WIPF1: variants seen among roughly 807,000 people sequenced by gnomAD.
WIPF1 encodes WAS/WASL-interacting protein family member 1.
A neutral mutation model predicts 35.4 loss-of-function variants in WIPF1; 13 were observed. The observed-to-expected ratio is 0.37, with a 90% CI of 0.24 to 0.58. The LOEUF (loss-of-function observed/expected upper bound fraction) is 0.58, where lower values mean the gene tolerates loss of function less well. Ranked by LOEUF, WIPF1 falls within the 20% of genes least tolerant of loss-of-function variation. WIPF1 has a pLI of 0.74. For synonymous variants in WIPF1, 267 were observed against 266.3 expected, an observed-to-expected ratio of 1.00 and a Z score of -0.02; for missense variants, 591 against 667.0, an observed-to-expected ratio of 0.89 and a Z score of 1.25.
At chr2:174,663,103 G>T (rs1316818354) in intron 1 of WIPF1, among the ~76,000 whole-genome samples, 2 of 152,206 alleles carry the variant, frequency 1.3e-5, no homozygotes, top group Non-Finnish European at 2.9e-5. Context: ...ACGGTCAGGA[G>T]TGAAGAGAGG....
chr2:174,598,178 T>G (rs920699901), upstream of WIPF1: 2 of 152,240 alleles, frequency 1.3e-5, no homozygotes, highest in African/African-American at 4.8e-5. Context: ...TACCTTACCT[T>G]ATCGCTTCAT....
At chr2:174,635,525 GTTTGTTTTTT>G (rs1687159069) in intron 1 of WIPF1, among the ~76,000 whole-genome samples, 1 of 126,180 alleles carries the variant, frequency 7.9e-6, no homozygotes, top group Admixed American at 8.8e-5. Context: ...GGTGCCTTCT[GTTTGTTTTTT>G]TTTTTTTTTT....
At chr2:174,594,784 G>C (rs1458803148) in intron 1 of WIPF1, among the ~76,000 whole-genome samples, 1 of 73,812 alleles carries the variant, frequency 1.4e-5, no homozygotes, top group East Asian at 2.4e-4. Flanking sequence ...TGAAAGTACA[G>C]CTTTATGATA....
chr2:174,611,842 A>G (rs1686356721), intron 1 of WIPF1, among the ~76,000 whole-genome samples: 1 of 152,204 alleles, frequency 6.6e-6, no homozygotes, highest in South Asian at 2.1e-4. Context: ...CACACTGTCT[A>G]GGGTTAACTT....
chr2:174,593,161 C>G (rs1218160014), intron 1 of WIPF1, among the ~76,000 whole-genome samples: 2 of 151,592 alleles, frequency 1.3e-5, no homozygotes, highest in Non-Finnish European at 2.9e-5. Flanking sequence ...GGGTAATAAC[C>G]AGAGGTAACT....
At chr2:174,566,772 G>C in intron 7 of WIPF1, 1 of 298,600 alleles carries the variant, frequency 3.3e-6, no homozygotes. Flanking sequence ...TACTTGTGCT[G>C]TCTCAGGAAG....
chr2:174,627,729 A>G (rs1686892712), intron 1 of WIPF1, among the ~76,000 whole-genome samples: 1 of 151,758 alleles, frequency 6.6e-6, no homozygotes, highest in African/African-American at 2.4e-5. Flanking sequence ...AATTTTTTGT[A>G]GAGATGGGGT....
chr2:174,670,299 C>T (rs934158532), intron 1 of WIPF1, among the ~76,000 whole-genome samples: 1 of 152,208 alleles, frequency 6.6e-6, no homozygotes, highest in African/African-American at 2.4e-5. Context: ...AACCTCCTCC[C>T]TTTTCCTCTC....
intron 7 of WIPF1, among the ~76,000 whole-genome samples, chr2:174,564,337 T>C (rs1326545049): frequency 6.6e-6 from 1 of 152,216 alleles, no homozygotes; most frequent in Non-Finnish European, 1.5e-5. Flanking sequence ...AAACTACTTT[T>C]AGGCGAGGCA....
intron 1 of WIPF1, among the ~76,000 whole-genome samples, chr2:174,588,524 T>C (rs1385272398): frequency 6.6e-6 from 1 of 152,198 alleles, no homozygotes; most frequent in Non-Finnish European, 1.5e-5. Flanking sequence ...AAGGCCTCCT[T>C]AATTATTTTA....
At chr2:174,635,628 G>T (rs1687167460) in intron 1 of WIPF1, among the ~76,000 whole-genome samples, 1 of 150,966 alleles carries the variant, frequency 6.6e-6, no homozygotes, top group South Asian at 2.1e-4. Context: ...GTGTGTGGGA[G>T]TCAAATGATC....
chr2:174,649,130 C>T (rs954274185), intron 1 of WIPF1, among the ~76,000 whole-genome samples: 1 of 152,172 alleles, frequency 6.6e-6, no homozygotes, highest in Non-Finnish European at 1.5e-5. Context: ...GCAGGTTCTT[C>T]TTCAAGACTC....
At chr2:174,599,757 T>G (rs1423140253), upstream of WIPF1, among the ~76,000 whole-genome samples, 1 of 151,926 alleles carries the variant, frequency 6.6e-6, no homozygotes. Flanking sequence ...ATTTTGAAGT[T>G]CTCTAAGTAA....
At chr2:174,614,825 T>C (rs1003085654) in intron 1 of WIPF1, among the ~76,000 whole-genome samples, 1 of 152,258 alleles carries the variant, frequency 6.6e-6, no homozygotes, top group Non-Finnish European at 1.5e-5. Context: ...ACTAGCATTG[T>C]TCACTGCAAT....
intron 1 of WIPF1, among the ~76,000 whole-genome samples, chr2:174,594,399 G>A (rs1247963498): frequency 6.6e-6 from 1 of 152,120 alleles, no homozygotes; most frequent in Non-Finnish European, 1.5e-5. Context: ...ATCCACTATT[G>A]TGCACATTTA....
rs1686694611 is a variant in WIPF1, at chr2:174,622,123, CT to C, written c.-38-36513del. 6.6e-6 allele frequency among the ~76,000 whole-genome samples: 1 copy of C among 152,130 alleles called. No individual in the cohort carries two copies. The highest frequency in any genetic ancestry group is 1.5e-5 in the Non-Finnish European group (1 of 68,026). On this transcript the variant is annotated intron_variant, in intron 1 of 8. Coordinates refer to the WIPF1 transcript ENST00000272746. This position sits in a 1 kb window ranked among gnomAD's most constrained non-coding sequence, Gnocchi z 5.1. Reference sequence around the variant, plus strand: ...GTTGCCTTTTAGGTTATTAAATACCCTGACAGCAACCTGACTGAATTTAGAG... The same window carrying C: ...GTTGCCTTTTAGGTTATTAAATACCCGACAGCAACCTGACTGAATTTAGAG...
At chr2:174,573,865 T>G (rs1197097859) in intron 4 of WIPF1, among the ~76,000 whole-genome samples, 1 of 151,726 alleles carries the variant, frequency 6.6e-6, no homozygotes, top group Non-Finnish European at 1.5e-5. Context: ...TGGAGTATCA[T>G]GAACTTAAGA....
chr2:174,672,515 T>C (rs4972706), intron 1 of WIPF1, among the ~76,000 whole-genome samples: 86,058 of 152,168 alleles, frequency 0.57, 24,876 homozygotes, highest in East Asian at 0.7. Context: ...TTATATATTA[T>C]ACATACACTA....
chr2:174,616,167 T>C (rs1300088546), intron 1 of WIPF1, among the ~76,000 whole-genome samples: 4 of 152,162 alleles, frequency 2.6e-5, no homozygotes, highest in Non-Finnish European at 5.9e-5. Flanking sequence ...GCTCAGCTCA[T>C]TTCAACTCAA....
Sources: allele counts gnomAD v4.1 joint callset (sites outside exome capture counted in the v4.1 genomes callset), GRCh38; gene constraint gnomAD v4.1.1; non-coding constraint Gnocchi (gnomAD v3.1); transcripts MANE v1.5; gene names NCBI Gene and HGNC (gene_info 2026-07-23, HGNC 2026-07-21).